Variants in SLC9A9 observed in about 807,000 individuals in gnomAD.
The protein encoded by SLC9A9 is sodium/hydrogen exchanger 9.
Under a neutral mutation model 77.8 loss-of-function variants are expected in SLC9A9, and 62 were observed. The observed-to-expected ratio is 0.80, with a 90% CI of 0.65 to 0.98. The LOEUF (loss-of-function observed/expected upper bound fraction) is 0.98. SLC9A9 is among the 50% of genes least tolerant of loss of function. The probability of loss-of-function intolerance (pLI) is 0.00; values close to 1 mark genes in which losing one functional copy is unlikely to be tolerated. For synonymous variants in SLC9A9, 320 were observed against 283.5 expected (o/e 1.13, Z -1.29); for missense variants, 775 against 774.9 (o/e 1.00, Z 0.00).
intron 5 of SLC9A9, among the ~76,000 whole-genome samples, chr3:143,683,547 C>T (rs955290646): frequency 6.6e-6 from 1 of 152,052 alleles, no homozygotes; most frequent in African/African-American, 2.4e-5. Context: ...GGGCAAAAAT[C>T]GGGAAAATTT....
chr3:143,417,816 T>C (rs989488513), intron 12 of SLC9A9, among the ~76,000 whole-genome samples: 4 of 152,072 alleles, frequency 2.6e-5, no homozygotes, highest in African/African-American at 9.7e-5. Context: ...TAAGGCATTC[T>C]TCAATAACTC....
At chr3:143,499,210 G>T (rs1272793803) in intron 9 of SLC9A9, among the ~76,000 whole-genome samples, 2 of 152,006 alleles carry the variant, frequency 1.3e-5, no homozygotes, top group African/African-American at 4.8e-5. Context: ...TTACCTATTG[G>T]CATTTTAGTT....
At chr3:143,367,010 T>A (rs1459166360) in intron 13 of SLC9A9, among the ~76,000 whole-genome samples, 3 of 152,212 alleles carry the variant, frequency 2.0e-5, no homozygotes, top group African/African-American at 7.2e-5. Context: ...CTTTAGTGTT[T>A]TAGGAATTTC....
intron 14 of SLC9A9, among the ~76,000 whole-genome samples, chr3:143,336,160 ATCTC>A (rs1292245064): frequency 6.6e-6 from 1 of 152,176 alleles, no homozygotes; most frequent in Non-Finnish European, 1.5e-5. Flanking sequence ...GATGCTCAAT[ATCTC>A]TAATCATCAG....
intron 4 of SLC9A9, among the ~76,000 whole-genome samples, chr3:143,785,812 G>T (rs1353443667): frequency 1.3e-5 from 2 of 150,064 alleles, no homozygotes; most frequent in Non-Finnish European, 3.0e-5. Context: ...GAAGAATAAA[G>T]GTGAGCTGAG....
intron 4 of SLC9A9, among the ~76,000 whole-genome samples, chr3:143,704,503 T>C (rs561211903): frequency 6.6e-6 from 1 of 152,122 alleles, no homozygotes. Context: ...CAAAAACGCA[T>C]TTGATACAGC....
intron 6 of SLC9A9, among the ~76,000 whole-genome samples, chr3:143,652,047 T>A (rs1257173840): frequency 6.6e-6 from 1 of 152,194 alleles, no homozygotes. Context: ...CTAGGTAGTA[T>A]CTTGTAATAA....
At chr3:143,303,140 G>A (rs2030609769) in intron 14 of SLC9A9, among the ~76,000 whole-genome samples, 1 of 152,212 alleles carries the variant, frequency 6.6e-6, no homozygotes. Flanking sequence ...GCCACTGCCA[G>A]CCTAGTCACA....
At chr3:143,535,054 T>G (rs1029254697) in intron 9 of SLC9A9, among the ~76,000 whole-genome samples, 1 of 152,218 alleles carries the variant, frequency 6.6e-6, no homozygotes, top group Non-Finnish European at 1.5e-5. Flanking sequence ...TATACATGTT[T>G]GGGTGGACAA....
chr3:143,382,602 A>G (rs562769575), intron 12 of SLC9A9, among the ~76,000 whole-genome samples: 7 of 152,284 alleles, frequency 4.6e-5, no homozygotes, highest in Admixed American at 2.6e-4. Context: ...GGCATATACA[A>G]TTTGGGGGCT....
chr3:143,326,453 T>A (rs2031604991), intron 14 of SLC9A9, among the ~76,000 whole-genome samples: 1 of 152,070 alleles, frequency 6.6e-6, no homozygotes, highest in South Asian at 2.1e-4. Context: ...TCCTCCCTCT[T>A]CTCTCCCTCT....
chr3:143,377,004 A>G (rs1233367904), intron 13 of SLC9A9, among the ~76,000 whole-genome samples: 2 of 152,212 alleles, frequency 1.3e-5, no homozygotes. Flanking sequence ...GTATGGAAAA[A>G]TGTTGATAAC....
intron 12 of SLC9A9, among the ~76,000 whole-genome samples, chr3:143,406,006 A>G (rs1040592786): frequency 6.6e-6 from 1 of 152,250 alleles, no homozygotes; most frequent in African/African-American, 2.4e-5. Flanking sequence ...AGCTCTGCAC[A>G]GAGGCATTCT....
intron 6 of SLC9A9, among the ~76,000 whole-genome samples, chr3:143,638,310 T>A (rs1181496049): frequency 6.6e-6 from 1 of 152,258 alleles, no homozygotes; most frequent in Non-Finnish European, 1.5e-5. Flanking sequence ...GACTTTAGAA[T>A]TTGACTTTCA....
At chr3:143,483,553 C>G (rs528177787) in intron 11 of SLC9A9, among the ~76,000 whole-genome samples, 199 of 152,188 alleles carry the variant, frequency 1.3e-3, no homozygotes, top group African/African-American at 4.2e-3. Context: ...AATTTTGAGG[C>G]CTTTTTAAAG....
chr3:143,557,488 G>C (rs2037006719), intron 8 of SLC9A9, among the ~76,000 whole-genome samples: 4 of 152,172 alleles, frequency 2.6e-5, no homozygotes, highest in Non-Finnish European at 5.9e-5. Flanking sequence ...ACAGGAAAAT[G>C]TGGGAAAGTT....
chr3:143,780,489 T>A (rs2007836491), intron 4 of SLC9A9, among the ~76,000 whole-genome samples: 1 of 152,224 alleles, frequency 6.6e-6, no homozygotes, highest in Admixed American at 6.5e-5. Flanking sequence ...TTTTACGCAA[T>A]CATTGATTTG....
At chr3:143,518,161 C>A in intron 9 of SLC9A9, 5 of 1,600,086 alleles carry the variant, frequency 3.1e-6, no homozygotes, top group Non-Finnish European at 4.2e-6. Context: ...CCTCGGTGTG[C>A]AGAACGCTCG....
chr3:143,761,040 G>C (rs796530429), intron 4 of SLC9A9, among the ~76,000 whole-genome samples: 2 of 152,014 alleles, frequency 1.3e-5, no homozygotes, highest in Non-Finnish European at 2.9e-5. Context: ...TAATACCACA[G>C]ATCTACAACC....
Sources: allele counts gnomAD v4.1 joint callset (sites outside exome capture counted in the v4.1 genomes callset), GRCh38; gene constraint gnomAD v4.1.1; transcripts MANE v1.5; gene names NCBI Gene and HGNC (gene_info 2026-07-23, HGNC 2026-07-21).